Variants in ELF2 observed in about 807,000 individuals in gnomAD.
The protein encoded by ELF2 is ETS-related transcription factor Elf-2.
ELF2 carries 11 observed loss-of-function variants against 54.8 expected under a neutral mutation model. That is an observed-to-expected ratio of 0.20 (90% CI 0.13 to 0.33). ELF2 has a LOEUF of 0.33. Among genes scored for constraint, ELF2 ranks in the 10% least tolerant of loss-of-function variants. The pLI is 1.00. For synonymous variants in ELF2, 203 were observed against 245.1 expected (o/e 0.83, Z 1.61); for missense variants, 513 against 703.0 (o/e 0.73, Z 3.06).
rs935440707 is a variant in ELF2 at position 139,124,821 on chromosome 4, T to A, written c.238+343A>T. Among the ~76,000 whole-genome samples, 61 of 152,272 alleles carry A rather than the reference T, an allele frequency of 4.0e-4. 1 individual carries two copies. Among genetic ancestry groups the A allele is most frequent in the African/African-American group, 1.3e-3 (54 of 41,560 alleles). Reference sequence around the variant, plus strand: ...GACAATGATAGAATACCATTTTTTTTAATTTAAAAAGCTGTCCTCATAATA... The same window carrying A: ...GACAATGATAGAATACCATTTTTTTAAATTTAAAAAGCTGTCCTCATAATA... On this transcript the variant is annotated intron_variant, in intron 4 of 9. Transcript: ENST00000686138.
At position 139,106,991 on chromosome 4, in the gene ELF2, C is replaced by A. The variant is rs148454374; in HGVS notation, c.238+18173G>T. On this transcript the variant is annotated intron_variant, in intron 4 of 9. Transcript: ENST00000686138. ...AAACTCCTGACCTCAGGTGTTTCAC[C>A]TGCTTCGGCCTCCCAAAGTGCTGGG... 6.3e-3 allele frequency among the ~76,000 whole-genome samples: 963 copies of A among 152,124 alleles called. 12 individuals carry two copies. Among genetic ancestry groups the A allele is most frequent in the African/African-American group, 0.022 (927 of 41,510 alleles).
upstream of ELF2, among the ~76,000 whole-genome samples, chr4:139,177,874 T>C (rs1743137557): frequency 6.6e-6 from 1 of 152,062 alleles, no homozygotes; most frequent in Admixed American, 6.5e-5. Flanking sequence ...CCTAGCCCGG[T>C]CTTTCCAGTT....
chr4:139,084,109 G>A (rs529529546), intron 4 of ELF2: 2 of 1,613,088 alleles, frequency 1.2e-6, no homozygotes, highest in Non-Finnish European at 1.7e-6. Context: ...CCGATGCACG[G>A]GAGAAAAGTT....
At chr4:139,081,185 G>A (rs1408579121) in intron 4 of ELF2, among the ~76,000 whole-genome samples, 1 of 152,016 alleles carries the variant, frequency 6.6e-6, no homozygotes, top group Non-Finnish European at 1.5e-5. Flanking sequence ...TTTAAAGTAC[G>A]TCGAGTCTTT....
In ELF2 at chr4:139,058,274, T is replaced by G. The variant is rs1578643044; in HGVS notation, c.*709A>C. On this transcript the variant is annotated 3_prime_UTR_variant, in exon 10 of 10. Coordinates refer to ENST00000686138, the MANE Select transcript of ELF2 (RefSeq NM_001331036.3). Reference sequence around the variant, plus strand: ...AACAATACTGTGCTAGGTACAAGATTTTTAAAATTTTTCTTTTAATAAAAA... The same window carrying G: ...AACAATACTGTGCTAGGTACAAGATGTTTAAAATTTTTCTTTTAATAAAAA... The G allele has an allele frequency of 6.6e-6, 1 of 151,994 alleles. No homozygotes were observed. Among genetic ancestry groups the G allele is most frequent in the Non-Finnish European group, 1.5e-5 (1 of 67,992 alleles). 9.4% of individuals were successfully genotyped at this position (151,994 alleles called of 1,614,324 possible).
chr4:139,075,970 AGTCATATTACAAATTCATAAG>A (rs2148707530), intron 4 of ELF2, among the ~76,000 whole-genome samples: 1 of 152,300 alleles, frequency 6.6e-6, no homozygotes, highest in African/African-American at 2.4e-5. Context: ...AATTTCATAA[AGTCATATTACAAATTCATAAG>A]CACTATACAC....
intron 3 of ELF2, among the ~76,000 whole-genome samples, chr4:139,128,325 T>G (rs190487841): frequency 4.6e-5 from 7 of 152,206 alleles, no homozygotes; most frequent in Admixed American, 4.6e-4. Context: ...AACTGAACTT[T>G]TAACTGATCT....
rs190962171 is a variant in ELF2 at position 139,106,773 on chromosome 4, C to T, written c.238+18391G>A. Reference sequence around the variant, plus strand: ...TTTTTTTTTTTTTGAGATAGAGTTTCGCTCTTGTTGCCCAGGCTGGAGTGC... The same window carrying T: ...TTTTTTTTTTTTTGAGATAGAGTTTTGCTCTTGTTGCCCAGGCTGGAGTGC... On this transcript the variant is annotated intron_variant, in intron 4 of 9. Coordinates refer to ENST00000686138, the MANE Select transcript of ELF2 (RefSeq NM_001331036.3). 4.0e-4 allele frequency among the ~76,000 whole-genome samples: 48 copies of T among 120,794 alleles called. No homozygotes were observed. The East Asian group carries it at 9.1e-3, about 23-fold the overall frequency. 79.2% of individuals were successfully genotyped at this position (120,794 alleles called of 152,430 possible). A position where few individuals can be genotyped will look rare whatever the true frequency, so the allele number is the denominator to read the frequency against.
intron 1 of ELF2, among the ~76,000 whole-genome samples, chr4:139,152,843 T>C (rs910309366): frequency 6.7e-6 from 1 of 149,630 alleles, no homozygotes; most frequent in Non-Finnish European, 1.5e-5. Flanking sequence ...TATATATATA[T>C]AGTTGTAATA....
chr4:139,171,931 C>T lies in ELF2; in HGVS notation c.-252+5036G>A, dbSNP rs966236209. Among the ~76,000 whole-genome samples the T allele has an allele frequency of 7.2e-5, 11 of 152,234 alleles. No individual in the cohort carries two copies. The East Asian group carries it at 1.7e-3, about 24-fold the overall frequency. On this transcript the variant is annotated intron_variant, in intron 1 of 9. Transcript: ENST00000686138. Reference sequence around the variant, plus strand: ...AGAGTGACTCAAAAACAAACAAATTCATATCCATTAGAACAGCTATAATTA... The same window carrying T: ...AGAGTGACTCAAAAACAAACAAATTTATATCCATTAGAACAGCTATAATTA...
In ELF2 at chr4:139,058,854, T is replaced by C. The variant is rs1178807023; in HGVS notation, c.*129A>G. On this transcript the variant is annotated 3_prime_UTR_variant, in exon 10 of 10. Transcript: ENST00000686138. ...GGATAGGTAATTTATTTCCAGTAAG[T>C]CTGATTGTTTTTGTATATGCATTAA... 7.7e-7 allele frequency: 1 copy of C among 1,293,606 alleles called. No homozygotes were observed. The highest frequency in any genetic ancestry group is 2.4e-5 in the East Asian group (1 of 41,318). The allele number at this position is 1,293,606 out of a possible 1,614,324, so 80.1% of individuals were successfully genotyped here. A position where few individuals can be genotyped will look rare whatever the true frequency, so the allele number is the denominator to read the frequency against.
chr4:139,174,328 CA>C (rs1263436844), intron 1 of ELF2, among the ~76,000 whole-genome samples: 5 of 151,374 alleles, frequency 3.3e-5, no homozygotes, highest in African/African-American at 1.2e-4. Flanking sequence ...AAGCCAGTCA[CA>C]AAAGACCGCA....
At chr4:139,152,576 C>T (rs1454935719) in intron 1 of ELF2, among the ~76,000 whole-genome samples, 1 of 152,098 alleles carries the variant, frequency 6.6e-6, no homozygotes, top group Non-Finnish European at 1.5e-5. Context: ...AACAATTCTC[C>T]TGCCTCAGCC....
Position 139,060,393 on chromosome 4 carries a change from G to C in ELF2, c.1088C>G (p.Ser363Cys). ...CCTGGATGAAGCATCGTGCCCAGGG[G>C]AAGTGATATTCACAACTCTAGCTAC... ...KGVARVVNIT[S>C]PGHDASSRSP... is the part of the protein sequence containing the mutation. Residue 363 changes from serine to cysteine, a missense_variant, in exon 9 of 10, where the codon TCC becomes TGC. By Grantham distance (112) the Ser-to-Cys change is moderately radical (BLOSUM62 -1). Transcript: ENST00000686138. 1 of 1,614,142 alleles carries C rather than the reference G, an allele frequency of 6.2e-7. No homozygotes were observed. The highest frequency in any genetic ancestry group is 8.5e-7 in the Non-Finnish European group (1 of 1,180,024).
intron 4 of ELF2, among the ~76,000 whole-genome samples, chr4:139,112,534 A>G (rs970503346): frequency 6.6e-6 from 1 of 152,204 alleles, no homozygotes; most frequent in Non-Finnish European, 1.5e-5. Flanking sequence ...TATGTGTTAA[A>G]GCATTCGTAT....
At chr4:139,139,346 C>T in intron 2 of ELF2, 67 bp downstream of exon 2, 2 of 795,516 alleles carry the variant, frequency 2.5e-6, no homozygotes, top group Non-Finnish European at 3.4e-6. Context: ...ACAGTCCCAT[C>T]ATACTATCAC....
chr4:139,099,665 A>G (rs937217735), intron 4 of ELF2, among the ~76,000 whole-genome samples: 2 of 152,168 alleles, frequency 1.3e-5, no homozygotes, highest in African/African-American at 4.8e-5. Flanking sequence ...TCTTCCTCCT[A>G]TACCCAGACT....
chr4:139,080,022 C>T (rs1396619170), intron 4 of ELF2, among the ~76,000 whole-genome samples: 5 of 152,296 alleles, frequency 3.3e-5, no homozygotes, highest in Admixed American at 6.5e-5. Context: ...TCTTTGCATC[C>T]TTTTGAACAT....
At chr4:139,065,643 C>T (rs1728583069) in intron 7 of ELF2, among the ~76,000 whole-genome samples, 1 of 152,132 alleles carries the variant, frequency 6.6e-6, no homozygotes, top group Non-Finnish European at 1.5e-5. Context: ...ACTGTAACAG[C>T]TTCAATTAAT....
Sources: allele counts gnomAD v4.1 joint callset (sites outside exome capture counted in the v4.1 genomes callset), GRCh38; gene constraint gnomAD v4.1.1; transcripts MANE v1.5; gene names NCBI Gene and HGNC (gene_info 2026-07-23, HGNC 2026-07-21).